Variants in ASB11 observed in about 807,000 individuals in gnomAD.
The protein encoded by ASB11 is ankyrin repeat and SOCS box protein 11.
A neutral mutation model predicts 20.1 loss-of-function variants in ASB11; 17 were observed. The ratio of observed to expected loss-of-function variants is 0.85; its 90% CI spans 0.58 to 1.27. The LOEUF (loss-of-function observed/expected upper bound fraction) is 1.27, where lower values mean the gene tolerates loss of function less well. ASB11 is among the 50% of genes most tolerant of loss of function. The pLI is 0.00. For missense variants in ASB11, 259 were observed against 256.9 expected, an observed-to-expected ratio of 1.01 and a Z score of -0.06; for synonymous variants, 107 against 105.6, an observed-to-expected ratio of 1.01 and a Z score of -0.08.
At chrX:15,310,713 C>T (rs370004685) in intron 1 of ASB11, among the ~76,000 whole-genome samples, 5 of 112,600 alleles carry the variant, frequency 4.4e-5, no homozygotes, top group Middle Eastern at 9.2e-3. Context: ...AACAGCCGGG[C>T]GCGGTGGCTT....
intron 3 of ASB11, among the ~76,000 whole-genome samples, chrX:15,297,309 C>CAAAAAA (rs57648100): frequency 9.6e-5 from 10 of 104,001 alleles, no homozygotes; most frequent in African/African-American, 3.2e-4. Flanking sequence ...CAAAACAAAA[C>CAAAAAA]AAAAAAAAAA....
rs746495925 is a variant in ASB11 at position 15,283,480 on chromosome X, A to G, written c.*25T>C. The G allele has an allele frequency of 1.7e-6, 2 of 1,209,065 alleles. No individual in the cohort carries two copies. Among genetic ancestry groups the G allele is most frequent in the Non-Finnish European group, 2.2e-6 (2 of 893,240 alleles). On this transcript the variant is annotated 3_prime_UTR_variant, in exon 7 of 7. Transcript: ENST00000480796. ...GCAGACAACAATCTGTGTCATTCCAAGTATCTTCCCAGGAACACTTAGGAC... is the reference window on the plus strand; with the variant it reads ...GCAGACAACAATCTGTGTCATTCCAGGTATCTTCCCAGGAACACTTAGGAC...
At chrX:15,284,028 G>A (rs371623135) in intron 6 of ASB11, among the ~76,000 whole-genome samples, 17 of 109,030 alleles carry the variant, frequency 1.6e-4, no homozygotes, top group South Asian at 8.0e-4. Flanking sequence ...CAAGGTGGGC[G>A]GATCACGAGG....
rs1369516493 is a variant in ASB11 at position 15,283,066 on chromosome X, A to G, written c.*439T>C. ...TATACCAGATTTATTCAAGGAAAGA[A>G]AGAAAAAAAGTGGGGAAGGGCTGAA... On this transcript the variant is annotated 3_prime_UTR_variant, in exon 7 of 7. Coordinates refer to ENST00000480796, the MANE Select transcript of ASB11 (RefSeq NM_080873.3). The G allele has an allele frequency of 9.1e-6, 1 of 110,135 alleles. No individual in the cohort carries two copies. The highest frequency in any genetic ancestry group is 3.3e-5 in the African/African-American group (1 of 29,870). 9.1% of individuals were successfully genotyped at this position (110,135 alleles called of 1,213,427 possible). A position where few individuals can be genotyped will look rare whatever the true frequency, so the allele number is the denominator to read the frequency against.
At chrX:15,299,806 G>C (rs1439282979) in intron 2 of ASB11, among the ~76,000 whole-genome samples, 3 of 111,113 alleles carry the variant, frequency 2.7e-5, no homozygotes, top group Non-Finnish European at 5.7e-5. Flanking sequence ...TCCTGCTTTT[G>C]ATCCTATGCC....
intron 2 of ASB11, among the ~76,000 whole-genome samples, chrX:15,299,340 A>G (rs1921002263): frequency 9.0e-6 from 1 of 111,633 alleles, no homozygotes; most frequent in African/African-American, 3.3e-5. Context: ...TTGGCCTGGG[A>G]AGGTTGGACA....
intron 2 of ASB11, among the ~76,000 whole-genome samples, chrX:15,300,865 G>T (rs1486388870): frequency 8.9e-6 from 1 of 111,937 alleles, no homozygotes; most frequent in Non-Finnish European, 1.9e-5. Flanking sequence ...ACCAATGAAA[G>T]TATTGAGGTG....
chrX:15,297,741 G>T, intron 2 of ASB11, 60 bp from the exon 3 acceptor site: 1 of 1,067,744 alleles, frequency 9.4e-7, no homozygotes, highest in Non-Finnish European at 1.3e-6. Flanking sequence ...TCACTGTGTT[G>T]CCCAGGCTGG....
chrX:15,284,265 A>AG (rs1927307117), intron 6 of ASB11, among the ~76,000 whole-genome samples: 2 of 107,995 alleles, frequency 1.9e-5, no homozygotes, highest in African/African-American at 3.4e-5. Context: ...AAAAAAAAAA[A>AG]AAAAAGAAAG....
At position 15,283,644 on chromosome X, in the gene ASB11, A is replaced by C. The variant is rs1371799389; in HGVS notation, c.848-15T>G. 1 of 1,208,284 alleles carries C rather than the reference A, an allele frequency of 8.3e-7. No homozygotes were observed. Among genetic ancestry groups the C allele is most frequent in the Admixed American group, 2.2e-5 (1 of 45,918 alleles). On this transcript the variant is annotated splice_polypyrimidine_tract_variant and intron_variant, in intron 6 of 6. Coordinates refer to ENST00000480796, the MANE Select transcript of ASB11 (RefSeq NM_080873.3). ...AGCAGGTGGGCCTGAGAGAGAAATA[A>C]AAATGGTGTTAACTTCATAGTGGTG...
chrX:15,296,048 C>CG (rs1920961939), intron 3 of ASB11, among the ~76,000 whole-genome samples: 1 of 112,123 alleles, frequency 8.9e-6, no homozygotes. Context: ...CTGAAACCAG[C>CG]ATCGCTGGTT....
intron 4 of ASB11, among the ~76,000 whole-genome samples, chrX:15,290,585 T>C (rs1444370875): frequency 8.9e-6 from 1 of 112,273 alleles, no homozygotes; most frequent in Non-Finnish European, 1.9e-5. Context: ...CATGATAAAT[T>C]TGCAACCTGT....
At chrX:15,285,545 T>G (rs1460275811) in intron 6 of ASB11, among the ~76,000 whole-genome samples, 2 of 111,698 alleles carry the variant, frequency 1.8e-5, no homozygotes, top group African/African-American at 6.5e-5. Flanking sequence ...CCTAGAAACA[T>G]TTTTGATGGA....
At chrX:15,312,241 A>C (rs186657568) in intron 1 of ASB11, among the ~76,000 whole-genome samples, 14 of 109,731 alleles carry the variant, frequency 1.3e-4, no homozygotes, top group African/African-American at 4.6e-4. Context: ...AAGAAAAAAA[A>C]ATATACATAT....
At position 15,283,575 on chromosome X, in the gene ASB11, C is replaced by G; in HGVS notation, c.902G>C (p.Arg301Pro). 1 of 1,209,409 alleles carries G rather than the reference C, an allele frequency of 8.3e-7. No individual in the cohort carries two copies. Among genetic ancestry groups the G allele is most frequent in the Non-Finnish European group, 1.1e-6 (1 of 894,125 alleles). Residue 301 changes from arginine to proline, a missense_variant, in exon 7 of 7, where the codon CGA becomes CCA. Coordinates refer to ENST00000480796, the MANE Select transcript of ASB11 (RefSeq NM_080873.3). ...CTTGTGGATGGCTTGATGACATGCTCGACCGAGACACTTCCGGACACACAG... is the reference window on the plus strand; with the variant it reads ...CTTGTGGATGGCTTGATGACATGCTGGACCGAGACACTTCCGGACACACAG... ...CRLCVRKCLGRACHQAIHKLH... is the reference protein window; with the variant it reads ...CRLCVRKCLGPACHQAIHKLH...
intron 1 of ASB11, chrX:15,314,326 T>A: frequency 9.2e-7 from 1 of 1,083,262 alleles, no homozygotes; most frequent in Non-Finnish European, 1.2e-6. Flanking sequence ...ATCAGAAGCA[T>A]TACTTTTTTT....
intron 1 of ASB11, among the ~76,000 whole-genome samples, chrX:15,303,827 T>C (rs774241608): frequency 8.9e-6 from 1 of 112,288 alleles, no homozygotes; most frequent in African/African-American, 3.2e-5. Context: ...CTCCGGACAT[T>C]GTATGATTAA....
At chrX:15,288,549 T>G (rs775484374) in intron 5 of ASB11, among the ~76,000 whole-genome samples, 1 of 111,977 alleles carries the variant, frequency 8.9e-6, no homozygotes, top group South Asian at 3.7e-4. Context: ...TGTCAGGGGC[T>G]AAGTTTGTTG....
intron 2 of ASB11, among the ~76,000 whole-genome samples, chrX:15,298,180 A>G (rs1920986296): frequency 8.9e-6 from 1 of 112,120 alleles, no homozygotes; most frequent in Non-Finnish European, 1.9e-5. Context: ...GGAGCATAGG[A>G]TATCCTTGAA....
Sources: gnomAD v4.1 joint callset for allele counts (sites outside exome capture counted in the v4.1 genomes callset) on GRCh38, gnomAD v4.1.1 for gene constraint, MANE v1.5 for transcripts, NCBI Gene and HGNC (gene_info 2026-07-23, HGNC 2026-07-21) for gene names.